COLGALT2: variants seen among roughly 807,000 people sequenced by gnomAD.
COLGALT2 encodes collagen beta(1-O)galactosyltransferase 2, also known as procollagen galactosyltransferase 2.
In COLGALT2, 49 loss-of-function variants were observed where a neutral mutation model predicts 73.4. The ratio of observed to expected loss-of-function variants is 0.67; its 90% CI spans 0.53 to 0.85. The LOEUF is 0.85. Among genes scored for constraint, COLGALT2 ranks in the 40% least tolerant of loss-of-function variants. COLGALT2 has a pLI of 0.00. For synonymous variants in COLGALT2, 295 were observed against 307.6 expected, an observed-to-expected ratio of 0.96 and a Z score of 0.43; for missense variants, 722 against 790.2, an observed-to-expected ratio of 0.91 and a Z score of 1.03.
chr1:183,929,688 T>G (rs957836557), downstream of COLGALT2, among the ~76,000 whole-genome samples: 2 of 152,228 alleles, frequency 1.3e-5, no homozygotes, highest in South Asian at 4.1e-4. Flanking sequence ...AGGAGGTTCC[T>G]GACTCAAACC....
intron 1 of COLGALT2, among the ~76,000 whole-genome samples, chr1:184,016,077 AT>A (rs1303298291): frequency 1.3e-5 from 2 of 152,230 alleles, no homozygotes; most frequent in African/African-American, 4.8e-5. Flanking sequence ...TACACAGTTA[AT>A]AAAATGTGAC....
Position 183,936,747 on chromosome 1 carries a change from G to A in COLGALT2, c.*2014C>T, listed in dbSNP as rs1669965070. ...CAGATGCTCTTTCTGTTTTTCTGGG[G>A]GTGGGTGGGAAAGGAAGTCACACTG... is the stretch of plus-strand genomic sequence containing the variant. On this transcript the variant is annotated 3_prime_UTR_variant, in exon 12 of 12. Coordinates refer to ENST00000361927, the MANE Select transcript of COLGALT2 (RefSeq NM_015101.4). 3.2e-6 allele frequency: 4 copies of A among 1,230,898 alleles called. No individual in the cohort carries two copies. The highest frequency in any genetic ancestry group is 6.3e-5 in the East Asian group (2 of 31,696). 76.2% of individuals were successfully genotyped at this position (1,230,898 alleles called of 1,614,324 possible). A position where few individuals can be genotyped will look rare whatever the true frequency, so the allele number is the denominator to read the frequency against.
intron 1 of COLGALT2, among the ~76,000 whole-genome samples, chr1:183,981,484 C>A (rs1410409873): frequency 2.0e-5 from 2 of 102,470 alleles, no homozygotes; most frequent in African/African-American, 5.6e-5. Context: ...GAAACCCGTC[C>A]CTACTAAAAA....
At chr1:184,013,820 G>A (rs1369709560) in intron 1 of COLGALT2, among the ~76,000 whole-genome samples, 2 of 151,952 alleles carry the variant, frequency 1.3e-5, no homozygotes, top group Non-Finnish European at 2.9e-5. Context: ...CTAAGGAAGT[G>A]GCAGAACAGA....
intron 8 of COLGALT2, among the ~76,000 whole-genome samples, chr1:183,947,862 A>T (rs1231974517): frequency 6.6e-6 from 1 of 152,002 alleles, no homozygotes; most frequent in Non-Finnish European, 1.5e-5. Context: ...CTGATGAATT[A>T]AAAAAAAGTA....
intron 1 of COLGALT2, among the ~76,000 whole-genome samples, chr1:184,023,397 T>C (rs1649233092): frequency 6.6e-6 from 1 of 152,172 alleles, no homozygotes; most frequent in Non-Finnish European, 1.5e-5. Flanking sequence ...GACACTACTG[T>C]GAAGTAAAGC....
chr1:184,029,365 C>T (rs1289064626), intron 1 of COLGALT2, among the ~76,000 whole-genome samples: 1 of 152,204 alleles, frequency 6.6e-6, no homozygotes, highest in Non-Finnish European at 1.5e-5. Context: ...TGCTGGTTCC[C>T]CAAAGTAGTT....
At chr1:183,941,504 T>C (rs544209429) in intron 10 of COLGALT2, among the ~76,000 whole-genome samples, 2 of 152,238 alleles carry the variant, frequency 1.3e-5, no homozygotes, top group Non-Finnish European at 2.9e-5. Context: ...AGTCTACCCA[T>C]GGATCTGTGC....
At position 183,954,754 on chromosome 1, in the gene COLGALT2, T is replaced by G. The variant is rs1182966790; in HGVS notation, c.1029+8A>C. 2 of 1,607,146 alleles carry G rather than the reference T, an allele frequency of 1.2e-6. No individual in the cohort carries two copies. Among genetic ancestry groups the G allele is most frequent in the African/African-American group, 1.3e-5 (1 of 74,684 alleles). On this transcript the variant is annotated splice_region_variant and intron_variant, in intron 7 of 11. Coordinates refer to ENST00000361927, the MANE Select transcript of COLGALT2 (RefSeq NM_015101.4). ...GCATGTGCACACACATATAGACACC[T>G]TTCCTACCTCATCAAATCCCATCTT...
At chr1:183,947,672 T>C (rs530659574) in intron 8 of COLGALT2, among the ~76,000 whole-genome samples, 1 of 152,112 alleles carries the variant, frequency 6.6e-6, no homozygotes, top group East Asian at 1.9e-4. Context: ...AATCCTCCCA[T>C]CCATCTTAAG....
chr1:184,017,025 A>C (rs995539257), intron 1 of COLGALT2, among the ~76,000 whole-genome samples: 5 of 152,196 alleles, frequency 3.3e-5, no homozygotes, highest in African/African-American at 1.2e-4. Context: ...TGACAGTGTT[A>C]TGTGCCATTT....
chr1:183,960,179 T>C (rs1335396130), intron 6 of COLGALT2, among the ~76,000 whole-genome samples: 1 of 150,428 alleles, frequency 6.6e-6, no homozygotes, highest in Non-Finnish European at 1.5e-5. Context: ...GGAATTCTTC[T>C]TTAGCTGAAG....
chr1:183,984,910 G>T (rs1257443834), intron 1 of COLGALT2, among the ~76,000 whole-genome samples: 2 of 152,160 alleles, frequency 1.3e-5, no homozygotes, highest in Middle Eastern at 6.3e-3. Context: ...CAGGTCAACA[G>T]GTGCACTGTC....
Position 183,969,408 on chromosome 1 carries a change from G to T in COLGALT2, c.693C>A (p.Pro231=). Residue 231 remains proline (P), a synonymous_variant, in exon 5 of 12, where the codon CCC becomes CCA. Transcript: ENST00000361927. ...GGAAGGTGGAGTGGACCATGGGGAC[G>T]GGGAAGCAGCCTGTCCTCTTCCATT... The part of the protein sequence containing the change: ...IREWKRTGCF[P]VPMVHSTFLI... 1.2e-6 allele frequency: 2 copies of T among 1,613,812 alleles called. No individual in the cohort carries two copies. The highest frequency in any genetic ancestry group is 2.2e-5 in the South Asian group (2 of 91,026).
At chr1:183,954,724 C>G (rs747201570) in intron 7 of COLGALT2, 38 bp downstream of exon 7, 25 of 1,436,056 alleles carry the variant, frequency 1.7e-5, no homozygotes, top group South Asian at 1.7e-4. Context: ...AGCCTGCACA[C>G]GCGTGCATGT....
At chr1:183,987,447 A>C (rs1671519513) in intron 1 of COLGALT2, among the ~76,000 whole-genome samples, 1 of 152,232 alleles carries the variant, frequency 6.6e-6, no homozygotes, top group African/African-American at 2.4e-5. Context: ...GAACCTCTAC[A>C]TCTCCAAACA....
In COLGALT2 at chr1:184,037,676, A is replaced by G; in HGVS notation, c.-319T>C. The G allele has an allele frequency of 2.0e-6, 2 of 1,018,188 alleles. No homozygotes were observed. Among genetic ancestry groups the G allele is most frequent in the Non-Finnish European group, 2.3e-6 (2 of 851,434 alleles). 63.1% of individuals were successfully genotyped at this position (1,018,188 alleles called of 1,614,324 possible). On this transcript the variant is annotated 5_prime_UTR_variant, in exon 1 of 12. Coordinates refer to ENST00000361927, the MANE Select transcript of COLGALT2 (RefSeq NM_015101.4). ...GTCCTGAGGAAAGTTCCTCTAGTCC[A>G]GGTTCCGCTCGTACAGCTGAGGTCT... is the stretch of plus-strand genomic sequence containing the variant.
chr1:183,985,884 C>T (rs1351412250), intron 1 of COLGALT2, among the ~76,000 whole-genome samples: 2 of 152,200 alleles, frequency 1.3e-5, no homozygotes, highest in Non-Finnish European at 2.9e-5. Context: ...AGACTTCAAA[C>T]ACTGAACTAC....
chr1:184,021,690 C>T (rs1649187298), intron 1 of COLGALT2, among the ~76,000 whole-genome samples: 1 of 152,134 alleles, frequency 6.6e-6, no homozygotes, highest in Non-Finnish European at 1.5e-5. Flanking sequence ...AAGACAGTGA[C>T]AGAATAAATG....
Sources: gnomAD v4.1 joint callset for allele counts (sites outside exome capture counted in the v4.1 genomes callset) on GRCh38, gnomAD v4.1.1 for gene constraint, MANE v1.5 for transcripts, NCBI Gene and HGNC (gene_info 2026-07-23, HGNC 2026-07-21) for gene names.